The following TPST1 variants were observed in gnomAD, a reference collection of about 807,000 sequenced individuals.
TPST1 encodes the protein tyrosylprotein sulfotransferase 1, also known as protein-tyrosine sulfotransferase 1.
A neutral mutation model predicts 34.8 loss-of-function variants in TPST1; 20 were observed. The ratio of observed to expected loss-of-function variants is 0.57; its 90% CI spans 0.40 to 0.84. The LOEUF (loss-of-function observed/expected upper bound fraction) is 0.84, where lower values mean the gene tolerates loss of function less well. Among genes scored for constraint, TPST1 ranks in the 40% least tolerant of loss-of-function variants. The pLI, the probability that TPST1 is intolerant of heterozygous loss-of-function variation, is 0.00. For missense variants in TPST1, 353 were observed against 455.5 expected, an observed-to-expected ratio of 0.78 and a Z score of 2.05; for synonymous variants, 152 against 159.4, an observed-to-expected ratio of 0.95 and a Z score of 0.35.
intron 2 of TPST1, among the ~76,000 whole-genome samples, chr7:66,280,041 C>T (rs1790901977): frequency 6.6e-6 from 1 of 152,228 alleles, no homozygotes; most frequent in Non-Finnish European, 1.5e-5. Context: ...ACATCGTGAC[C>T]TGCCTCCCTC....
chr7:66,328,011 C>CTTTTTTTTTTTT (rs35582736), intron 3 of TPST1, among the ~76,000 whole-genome samples: 1 of 39,486 alleles, frequency 2.5e-5, no homozygotes, highest in Non-Finnish European at 4.4e-5. Flanking sequence ...TTTTCCTTTC[C>CTTTTTTTTTTTT]TTTTTTTTTT....
chr7:66,269,962 T>C (rs1295964294), intron 2 of TPST1, among the ~76,000 whole-genome samples: 2 of 152,050 alleles, frequency 1.3e-5, no homozygotes, highest in Admixed American at 1.3e-4. Context: ...ACATATAGCA[T>C]ATTAGAAGGT....
In TPST1 at chr7:66,246,594, C is replaced by A. The variant is rs566756609; in HGVS notation, c.845+5324C>A. Among the ~76,000 whole-genome samples, 5 of 152,278 alleles carry A rather than the reference C, an allele frequency of 3.3e-5. No homozygotes were observed. The East Asian group carries it at 7.7e-4, about 23-fold the overall frequency. On this transcript the variant is annotated intron_variant, in intron 2 of 5. Coordinates refer to ENST00000304842, the MANE Select transcript of TPST1 (RefSeq NM_003596.4). ...AAAAATTAGAAGTTGGATATCAGAT[C>A]ATTTATTAGTTTGATTAGATTTCTC...
intron 1 of TPST1, among the ~76,000 whole-genome samples, chr7:66,217,831 G>A (rs1414638407): frequency 2.0e-5 from 3 of 151,756 alleles, no homozygotes; most frequent in Admixed American, 1.3e-4. Flanking sequence ...TGATCCGCCC[G>A]CCTCGGCCTC....
chr7:66,241,302 C>A, intron 2 of TPST1, 32 bp downstream of exon 2: 1 of 1,562,728 alleles, frequency 6.4e-7, no homozygotes, highest in Non-Finnish European at 8.6e-7. Flanking sequence ...TATTTTGACT[C>A]TATATTTAGC....
chr7:66,227,286 C>G (rs1291392931), intron 1 of TPST1, among the ~76,000 whole-genome samples: 2 of 152,024 alleles, frequency 1.3e-5, no homozygotes, highest in Non-Finnish European at 2.9e-5. Flanking sequence ...CCGTCTCGGC[C>G]TCCCAAAGTG....
upstream of TPST1, among the ~76,000 whole-genome samples, chr7:66,200,489 G>C (rs1217241386): frequency 4.8e-5 from 4 of 83,040 alleles, no homozygotes; most frequent in South Asian, 1.2e-3. Flanking sequence ...GCGCAATCTC[G>C]GCTCACTGCA....
intron 2 of TPST1, among the ~76,000 whole-genome samples, chr7:66,259,675 CTT>C (rs1348775477): frequency 4.6e-5 from 7 of 151,794 alleles, no homozygotes; most frequent in Admixed American, 4.6e-4. Context: ...CCATATATGA[CTT>C]ATCCACACAC....
intron 5 of TPST1, among the ~76,000 whole-genome samples, chr7:66,358,084 CAA>C (rs978615275): frequency 7.4e-6 from 1 of 134,744 alleles, no homozygotes; most frequent in African/African-American, 2.7e-5. Context: ...GACTTCGTCT[CAA>C]AAAAAAAAAA....
intron 1 of TPST1, among the ~76,000 whole-genome samples, chr7:66,234,236 G>A (rs1789859299): frequency 6.6e-6 from 1 of 152,140 alleles, no homozygotes; most frequent in African/African-American, 2.4e-5. Flanking sequence ...TTCTTGGAAT[G>A]CTCTTCCCTT....
intron 3 of TPST1, among the ~76,000 whole-genome samples, chr7:66,342,502 G>C (rs943060244): frequency 6.6e-6 from 1 of 152,220 alleles, no homozygotes; most frequent in African/African-American, 2.4e-5. Context: ...GGAGGAAGAT[G>C]TGTTAGTCCA....
chr7:66,255,547 C>G (rs1186518538), intron 2 of TPST1, among the ~76,000 whole-genome samples: 1 of 152,116 alleles, frequency 6.6e-6, no homozygotes, highest in Non-Finnish European at 1.5e-5. Context: ...AAAACAAATA[C>G]AAGATATCAC....
At chr7:66,215,994 A>G (rs1204073322) in intron 1 of TPST1, among the ~76,000 whole-genome samples, 4 of 151,450 alleles carry the variant, frequency 2.6e-5, no homozygotes. Flanking sequence ...GATGGTCTGG[A>G]TCTCCTGACC....
intron 2 of TPST1, among the ~76,000 whole-genome samples, chr7:66,276,457 T>C (rs1218505922): frequency 1.4e-5 from 2 of 146,328 alleles, no homozygotes; most frequent in Non-Finnish European, 3.0e-5. Flanking sequence ...CATTGCAACC[T>C]CTGCCTCCTG....
intron 2 of TPST1, among the ~76,000 whole-genome samples, chr7:66,261,574 G>A (rs1584187427): frequency 6.6e-6 from 1 of 152,182 alleles, no homozygotes; most frequent in South Asian, 2.1e-4. Context: ...CAGAGCCATA[G>A]AATACTACCT....
intron 2 of TPST1, among the ~76,000 whole-genome samples, chr7:66,263,261 A>G (rs966019825): frequency 3.9e-5 from 6 of 152,202 alleles, no homozygotes; most frequent in African/African-American, 1.4e-4. Flanking sequence ...GAACAATTTC[A>G]AGGCTGTTTT....
At chr7:66,245,109 A>G (rs1265678877) in intron 2 of TPST1, among the ~76,000 whole-genome samples, 1 of 152,236 alleles carries the variant, frequency 6.6e-6, no homozygotes, top group East Asian at 1.9e-4. Flanking sequence ...AATAATTAGT[A>G]ATTTATTAAA....
intron 2 of TPST1, among the ~76,000 whole-genome samples, chr7:66,243,378 T>G (rs1351555309): frequency 6.6e-6 from 1 of 152,038 alleles, no homozygotes; most frequent in Non-Finnish European, 1.5e-5. Flanking sequence ...TGAAAGAAAA[T>G]CTTACCCAGA....
intron 1 of TPST1, among the ~76,000 whole-genome samples, chr7:66,232,200 A>ATTTT (rs1216330608): frequency 1.6e-5 from 2 of 127,676 alleles, no homozygotes; most frequent in Non-Finnish European, 3.3e-5. Context: ...TATTAAAAAA[A>ATTTT]ATTTTTTTTT....
Sources: allele counts gnomAD v4.1 joint callset (sites outside exome capture counted in the v4.1 genomes callset), GRCh38; gene constraint gnomAD v4.1.1; transcripts MANE v1.5; gene names NCBI Gene and HGNC (gene_info 2026-07-23, HGNC 2026-07-21).